Variants in ZFAT observed in about 807,000 individuals in gnomAD.
The protein encoded by ZFAT is zinc finger protein ZFAT.
In ZFAT, 64 loss-of-function variants were observed where a neutral mutation model predicts 117.7. That is an observed-to-expected ratio of 0.54 (90% CI 0.44 to 0.67). The LOEUF is 0.67. Among genes scored for constraint, ZFAT ranks in the 30% least tolerant of loss-of-function variants. The pLI is 0.00. For synonymous variants in ZFAT, 679 were observed against 615.0 expected (o/e 1.10, Z -1.54); for missense variants, 1,433 against 1,584.5 (o/e 0.90, Z 1.62).
At chr8:134,486,709 C>A (rs1817679402) in intron 15 of ZFAT, among the ~76,000 whole-genome samples, 1 of 152,170 alleles carries the variant, frequency 6.6e-6, no homozygotes, top group African/African-American at 2.4e-5. Flanking sequence ...ATGCAGAAAG[C>A]CACCAGGAGA....
intron 5 of ZFAT, 124 bp from the exon 6 acceptor site, chr8:134,603,057 G>A: frequency 7.6e-7 from 1 of 1,317,044 alleles, no homozygotes; most frequent in South Asian, 1.4e-5. Context: ...GACGCTGGAT[G>A]GGTGCAGTCA....
At chr8:134,549,987 G>A (rs1823008322) in intron 11 of ZFAT, among the ~76,000 whole-genome samples, 1 of 152,166 alleles carries the variant, frequency 6.6e-6, no homozygotes, top group Non-Finnish European at 1.5e-5. Flanking sequence ...GATTTTCATG[G>A]GCTCGTGTTA....
the ZFAT span, among the ~76,000 whole-genome samples, chr8:134,807,945 G>A: frequency 3.9e-5 from 6 of 152,126 alleles, no homozygotes; most frequent in Admixed American, 1.3e-4. Context: ...GTTCTATAAG[G>A]CTTATTTATC....
upstream of ZFAT, among the ~76,000 whole-genome samples, chr8:134,713,706 T>A (rs1288080982): frequency 6.6e-6 from 1 of 152,182 alleles, no homozygotes; most frequent in African/African-American, 2.4e-5. Flanking sequence ...GGTGGAAATT[T>A]AATGACTTTG....
At chr8:134,689,404 T>C (rs4621765) in intron 1 of ZFAT, among the ~76,000 whole-genome samples, 138,029 of 152,288 alleles carry the variant, frequency 0.91, 62,841 homozygotes, top group African/African-American at 0.97. Context: ...CGGCAGCTCA[T>C]TCTTGAATTC....
At chr8:134,767,432 C>T in the ZFAT span, among the ~76,000 whole-genome samples, 1 of 152,252 alleles carries the variant, frequency 6.6e-6, no homozygotes. Flanking sequence ...CTTCTTTATT[C>T]TTAGTAATGC....
At chr8:134,601,440 G>A (rs1306652935) in intron 6 of ZFAT, 37 bp downstream of exon 6, 5 of 1,563,928 alleles carry the variant, frequency 3.2e-6, no homozygotes, top group South Asian at 1.2e-5. Context: ...CATGATGGTT[G>A]TGGACAGGGC....
chr8:134,599,522 A>G (rs532056694), intron 7 of ZFAT: 3 of 306,046 alleles, frequency 9.8e-6, no homozygotes, highest in Non-Finnish European at 6.3e-6. Context: ...GGCCTGTGAG[A>G]GTGTTGGAGA....
At chr8:134,559,263 T>C (rs1000044489) in intron 11 of ZFAT, among the ~76,000 whole-genome samples, 6 of 152,236 alleles carry the variant, frequency 3.9e-5, no homozygotes, top group African/African-American at 1.4e-4. Flanking sequence ...TTATTTTGCA[T>C]GTATTCTTGC....
At chr8:134,623,580 C>T (rs1829284745) in intron 3 of ZFAT, among the ~76,000 whole-genome samples, 1 of 152,202 alleles carries the variant, frequency 6.6e-6, no homozygotes, top group Admixed American at 6.5e-5. Flanking sequence ...GGCAGCTCCC[C>T]TCTGCGAACT....
At chr8:134,558,692 A>G (rs9792264) in intron 11 of ZFAT, among the ~76,000 whole-genome samples, 19,748 of 152,210 alleles carry the variant, frequency 0.13, 1,553 homozygotes, top group East Asian at 0.34. Context: ...TTCGAGAACT[A>G]GAGTCATTTT....
intron 11 of ZFAT, among the ~76,000 whole-genome samples, chr8:134,550,699 T>C (rs946861283): frequency 5.3e-5 from 8 of 152,198 alleles, no homozygotes; most frequent in Non-Finnish European, 7.3e-5. Flanking sequence ...TCCTTTTTTT[T>C]CCAGAGGTGC....
chr8:134,802,775 C>T, the ZFAT span, among the ~76,000 whole-genome samples: 2 of 152,106 alleles, frequency 1.3e-5, no homozygotes, highest in Non-Finnish European at 2.9e-5. Context: ...ATGAATACCA[C>T]AATTTTTTTC....
chr8:134,634,951 T>C (rs969063763), intron 3 of ZFAT, among the ~76,000 whole-genome samples: 1 of 152,168 alleles, frequency 6.6e-6, no homozygotes, highest in South Asian at 2.1e-4. Context: ...ATCTCAAGCA[T>C]TAGATTCTCA....
At chr8:134,487,145 T>A (rs993102618) in intron 15 of ZFAT, among the ~76,000 whole-genome samples, 1 of 152,194 alleles carries the variant, frequency 6.6e-6, no homozygotes, top group Non-Finnish European at 1.5e-5. Context: ...TACGCAGGTA[T>A]GGGCATGGCT....
intron 15 of ZFAT, among the ~76,000 whole-genome samples, chr8:134,499,622 G>C (rs1203449096): frequency 6.6e-6 from 1 of 150,838 alleles, no homozygotes; most frequent in Non-Finnish European, 1.5e-5. Flanking sequence ...GGAGGGTCGG[G>C]GTGGAGCCGT....
rs562289766 is a variant in ZFAT, at chr8:134,661,585, G to A, written c.20-3848C>T. Among the ~76,000 whole-genome samples, 363 of 152,334 alleles carry A rather than the reference G, an allele frequency of 2.4e-3. 1 individual carries two copies. Among genetic ancestry groups the A allele is most frequent in the African/African-American group, 8.3e-3 (343 of 41,560 alleles). On this transcript the variant is annotated intron_variant, in intron 1 of 15. Transcript: ENST00000377838. ...CTGGAGGACAGCAAGTGGCCATGGC[G>A]GAATGAGGGAGGGAGAAGGAAGGAG...
chr8:134,705,898 G>A (rs571363840), intron 1 of ZFAT, among the ~76,000 whole-genome samples: 1 of 152,064 alleles, frequency 6.6e-6, no homozygotes, highest in South Asian at 2.1e-4. Flanking sequence ...GACACAAATG[G>A]CCAATAAGCA....
At chr8:134,760,285 A>C in the ZFAT span, among the ~76,000 whole-genome samples, 2,479 of 138,482 alleles carry the variant, frequency 0.018, 39 homozygotes, top group African/African-American at 0.037. Context: ...AAAAAAAAAA[A>C]AAACAAACAA....
Sources: gnomAD v4.1 joint callset for allele counts (sites outside exome capture counted in the v4.1 genomes callset) on GRCh38, gnomAD v4.1.1 for gene constraint, MANE v1.5 for transcripts, NCBI Gene and HGNC (gene_info 2026-07-23, HGNC 2026-07-21) for gene names.